Variants in RMDN2 observed in about 807,000 individuals in gnomAD.
RMDN2 encodes the protein regulator of microtubule dynamics protein 2.
RMDN2 carries 61 observed loss-of-function variants against 52.8 expected under a neutral mutation model. The ratio of observed to expected loss-of-function variants is 1.16; its 90% CI spans 0.94 to 1.43. The LOEUF (loss-of-function observed/expected upper bound fraction) is 1.43. Ranked by LOEUF, RMDN2 falls within the 40% of genes most tolerant of loss-of-function variation. The pLI is 0.00. For missense variants in RMDN2, 592 were observed against 475.3 expected (o/e 1.25, Z -2.28); for synonymous variants, 180 against 153.1 (o/e 1.18, Z -1.30).
chr2:38,050,593 TCA>T (rs1392099182), intron 10 of RMDN2, among the ~76,000 whole-genome samples: 3 of 152,252 alleles, frequency 2.0e-5, no homozygotes, highest in African/African-American at 7.2e-5. Flanking sequence ...CTACCATGGT[TCA>T]GTTTCCAATA....
intron 10 of RMDN2, among the ~76,000 whole-genome samples, chr2:38,056,066 A>T (rs1681845489): frequency 6.6e-6 from 1 of 152,184 alleles, no homozygotes; most frequent in African/African-American, 2.4e-5. Context: ...CACCTGGATC[A>T]TTGCCACCTC....
intron 10 of RMDN2, among the ~76,000 whole-genome samples, chr2:38,007,778 G>C (rs1677332193): frequency 6.6e-6 from 1 of 151,904 alleles, no homozygotes; most frequent in East Asian, 1.9e-4. Context: ...TGCTTCTCTA[G>C]TTCTTTTAAT....
Position 37,982,897 on chromosome 2 carries a change from T to C in RMDN2, c.791+1554T>C, listed in dbSNP as rs140744585. ...CGTTTAGTAGTAACTGTAATGAATTTGTGGTGATCAAGCCCTACTCTCTCT... is the reference window on the plus strand; with the variant it reads ...CGTTTAGTAGTAACTGTAATGAATTCGTGGTGATCAAGCCCTACTCTCTCT... On this transcript the variant is annotated intron_variant, in intron 5 of 10. Transcript: ENST00000354545. Among the ~76,000 whole-genome samples, 24 of 152,286 alleles carry C rather than the reference T, an allele frequency of 1.6e-4. No homozygotes were observed. In the East Asian group the frequency reaches 3.9e-3, roughly 25 times the overall value.
chr2:37,968,278 T>C (rs1671332956), intron 2 of RMDN2, among the ~76,000 whole-genome samples: 2 of 151,668 alleles, frequency 1.3e-5, no homozygotes, highest in Admixed American at 1.3e-4. Flanking sequence ...TGGTCTCTAC[T>C]AAAAATACAA....
At chr2:37,978,674 C>T (rs1672888611) in intron 4 of RMDN2, among the ~76,000 whole-genome samples, 1 of 152,000 alleles carries the variant, frequency 6.6e-6, no homozygotes, top group African/African-American at 2.4e-5. Context: ...AAAAATAACA[C>T]GACTGAGGTG....
intron 10 of RMDN2, among the ~76,000 whole-genome samples, chr2:38,043,408 C>A (rs1681083871): frequency 6.6e-6 from 1 of 152,062 alleles, no homozygotes; most frequent in African/African-American, 2.4e-5. Flanking sequence ...TTCTTATAGG[C>A]CACATATAGT....
intron 5 of RMDN2, among the ~76,000 whole-genome samples, chr2:37,982,929 C>T (rs1217539999): frequency 6.6e-6 from 1 of 152,082 alleles, no homozygotes; most frequent in East Asian, 1.9e-4. Context: ...CTCTCTTCAT[C>T]GCGTTTGATA....
chr2:37,996,907 C>G (rs2125160447), intron 7 of RMDN2, among the ~76,000 whole-genome samples: 1 of 152,270 alleles, frequency 6.6e-6, no homozygotes, highest in East Asian at 1.9e-4. Context: ...CCTGCTCCTT[C>G]TGGCTTGAGG....
downstream of RMDN2, among the ~76,000 whole-genome samples, chr2:38,020,622 G>T (rs1324051253): frequency 6.6e-6 from 1 of 152,224 alleles, no homozygotes; most frequent in Non-Finnish European, 1.5e-5. Context: ...AGCCGGCCCT[G>T]CCGGCCCAGG....
intron 10 of RMDN2, among the ~76,000 whole-genome samples, chr2:38,055,794 T>C (rs146298986): frequency 8.3e-4 from 126 of 152,232 alleles, no homozygotes; most frequent in African/African-American, 3.0e-3. Context: ...CTGGAATAGA[T>C]TGCATGCCCC....
rs1558432607 is a variant in RMDN2 at position 37,929,744 on chromosome 2, GA to G, written c.452+16del. ...AGTGAAGGAGGGTAAGTTTCTTTAAGATATTTCCTATGTTGAATTGGTTATT... is the reference window on the plus strand; with the variant it reads ...AGTGAAGGAGGGTAAGTTTCTTTAAGTATTTCCTATGTTGAATTGGTTATT... On this transcript the variant is annotated intron_variant, in intron 2 of 10. Transcript: ENST00000354545. 6.8e-7 allele frequency: 1 copy of G among 1,461,252 alleles called. No homozygotes were observed. Among genetic ancestry groups the G allele is most frequent in the East Asian group, 2.5e-5 (1 of 40,186 alleles). The allele number at this position is 1,461,252 out of a possible 1,614,324, so 90.5% of individuals were successfully genotyped here. A position where few individuals can be genotyped will look rare whatever the true frequency, so the allele number is the denominator to read the frequency against.
intron 4 of RMDN2, among the ~76,000 whole-genome samples, chr2:37,978,887 G>A (rs867877157): frequency 2.0e-5 from 3 of 152,204 alleles, no homozygotes; most frequent in South Asian, 2.1e-4. Context: ...TTGATGCAGG[G>A]AAGTCTTTCT....
chr2:38,030,943 A>T (rs1266718812), intron 10 of RMDN2: 1 of 152,224 alleles, frequency 6.6e-6, no homozygotes, highest in Non-Finnish European at 1.5e-5. Context: ...TTTTTCTAAA[A>T]AGTGCTTAAG....
chr2:37,947,788 A>G (rs2124945993), intron 2 of RMDN2, among the ~76,000 whole-genome samples: 1 of 152,284 alleles, frequency 6.6e-6, no homozygotes, highest in East Asian at 1.9e-4. Flanking sequence ...ATGTAGAAAA[A>G]CTTAAATTTG....
intron 10 of RMDN2, among the ~76,000 whole-genome samples, chr2:38,005,002 T>C (rs958118149): frequency 1.3e-5 from 2 of 152,146 alleles, no homozygotes; most frequent in Non-Finnish European, 2.9e-5. Flanking sequence ...TCCAGCTTCA[T>C]CCATGTCCCT....
intron 10 of RMDN2, among the ~76,000 whole-genome samples, chr2:38,005,136 G>T (rs1412227295): frequency 6.6e-6 from 1 of 152,146 alleles, no homozygotes; most frequent in Non-Finnish European, 1.5e-5. Flanking sequence ...CTTTGCTATT[G>T]TGAATAGTGC....
Position 38,010,033 on chromosome 2 carries a change from G to T in RMDN2, c.1179+5817G>T, listed in dbSNP as rs1018746917. 3.9e-5 allele frequency among the ~76,000 whole-genome samples: 6 copies of T among 152,276 alleles called. No individual in the cohort carries two copies. In the East Asian group the frequency reaches 7.7e-4, roughly 20 times the overall value. ...AGAGGCTGCAGAACAGTGGATATTC[G>T]TGAGCAGCAAATGTTGCTGCCTGAT... On this transcript the variant is annotated intron_variant, in intron 10 of 10. Transcript: ENST00000354545.
chr2:37,936,546 C>T (rs1462977577), intron 2 of RMDN2, among the ~76,000 whole-genome samples: 1 of 152,228 alleles, frequency 6.6e-6, no homozygotes, highest in South Asian at 2.1e-4. Context: ...ACATCCTCTC[C>T]AACATCTGTT....
intron 8 of RMDN2, chr2:37,998,345 AG>A (rs1675850750): frequency 6.6e-6 from 1 of 152,338 alleles, no homozygotes; most frequent in Non-Finnish European, 1.5e-5. Flanking sequence ...TGGGCAACAT[AG>A]CAACATGCCA....
Sources: gnomAD v4.1 joint callset for allele counts (sites outside exome capture counted in the v4.1 genomes callset) on GRCh38, gnomAD v4.1.1 for gene constraint, MANE v1.5 for transcripts, NCBI Gene and HGNC (gene_info 2026-07-23, HGNC 2026-07-21) for gene names.